Variants in TMED10 observed in about 807,000 individuals in gnomAD.
TMED10 encodes the protein transmembrane p24 trafficking protein 10.
In TMED10, 7 loss-of-function variants were observed where a neutral mutation model predicts 23.1. The ratio of observed to expected loss-of-function variants is 0.30; its 90% CI spans 0.17 to 0.57. TMED10 has a LOEUF of 0.57. Among genes scored for constraint, TMED10 ranks in the 20% least tolerant of loss-of-function variants. The pLI is 0.91. For synonymous variants in TMED10, 113 were observed against 106.9 expected, an observed-to-expected ratio of 1.06 and a Z score of -0.35; for missense variants, 162 against 274.8, an observed-to-expected ratio of 0.59 and a Z score of 2.90.
At chr14:75,137,711 T>TC (rs1293950723) in intron 3 of TMED10, among the ~76,000 whole-genome samples, 120 of 143,322 alleles carry the variant, frequency 8.4e-4, no homozygotes, top group Middle Eastern at 3.6e-3. Context: ...TTTCTTTCTT[T>TC]TTTTTTTTTT....
At chr14:75,150,215 A>T (rs1055621150) in intron 2 of TMED10, among the ~76,000 whole-genome samples, 3 of 152,228 alleles carry the variant, frequency 2.0e-5, no homozygotes, top group Non-Finnish European at 4.4e-5. Flanking sequence ...GACAAGTCAC[A>T]TGTGTCTTCT....
At chr14:75,165,597 A>G (rs568052335) in intron 1 of TMED10, among the ~76,000 whole-genome samples, 2 of 152,330 alleles carry the variant, frequency 1.3e-5, no homozygotes, top group South Asian at 4.1e-4. Flanking sequence ...CTTAGGTGCT[A>G]CATTTAATGG....
intron 1 of TMED10, among the ~76,000 whole-genome samples, chr14:75,172,945 A>G (rs925764031): frequency 6.6e-6 from 1 of 152,102 alleles, no homozygotes; most frequent in Non-Finnish European, 1.5e-5. Flanking sequence ...AGGAAAATGG[A>G]GTGGCAAAGC....
At chr14:75,148,450 T>C (rs1358507656) in intron 2 of TMED10, among the ~76,000 whole-genome samples, 1 of 151,394 alleles carries the variant, frequency 6.6e-6, no homozygotes, top group Admixed American at 6.6e-5. Flanking sequence ...ATGCTTCTTA[T>C]AATAGAGTTC....
chr14:75,146,189 G>C (rs903552688), intron 3 of TMED10, among the ~76,000 whole-genome samples: 2 of 152,164 alleles, frequency 1.3e-5, no homozygotes, highest in Non-Finnish European at 2.9e-5. Flanking sequence ...ATTCACAACT[G>C]TATCACTTGC....
At chr14:75,141,143 A>G (rs1895817488) in intron 3 of TMED10, among the ~76,000 whole-genome samples, 1 of 152,202 alleles carries the variant, frequency 6.6e-6, no homozygotes, top group South Asian at 2.1e-4. Context: ...CAAAAAATAC[A>G]CATTAAAAAC....
At chr14:75,152,226 A>G (rs1895963265) in intron 1 of TMED10, 83 bp from the exon 2 acceptor site, 2 of 1,085,958 alleles carry the variant, frequency 1.8e-6, no homozygotes, top group Non-Finnish European at 2.7e-6. Context: ...TAGAGACACT[A>G]TCTATGAAAG....
intron 3 of TMED10, among the ~76,000 whole-genome samples, chr14:75,140,666 C>T (rs1017464715): frequency 2.0e-5 from 3 of 152,178 alleles, no homozygotes; most frequent in African/African-American, 7.2e-5. Flanking sequence ...TGAGATGGCA[C>T]CGCTGCACTC....
intron 2 of TMED10, among the ~76,000 whole-genome samples, chr14:75,151,719 T>C (rs1300557634): frequency 2.6e-5 from 4 of 152,220 alleles, no homozygotes; most frequent in Non-Finnish European, 5.9e-5. Context: ...GTCCACAGTT[T>C]ACATTAGGAT....
chr14:75,158,889 G>A (rs556127455), intron 1 of TMED10, among the ~76,000 whole-genome samples: 28 of 152,124 alleles, frequency 1.8e-4, no homozygotes, highest in East Asian at 5.9e-4. Context: ...GCACCATTGC[G>A]CTCTAGCCTG....
At chr14:75,143,676 G>A (rs977652988) in intron 3 of TMED10, among the ~76,000 whole-genome samples, 2 of 152,194 alleles carry the variant, frequency 1.3e-5, no homozygotes, top group African/African-American at 4.8e-5. Flanking sequence ...GCTCATGCCT[G>A]TAATCCCAGC....
intron 3 of TMED10, among the ~76,000 whole-genome samples, chr14:75,138,703 A>G (rs138224005): frequency 1.3e-5 from 2 of 152,138 alleles, no homozygotes; most frequent in South Asian, 2.1e-4. Flanking sequence ...CCTAAATAGA[A>G]ACTTGCAAAA....
At chr14:75,142,566 T>C (rs1040521952) in intron 3 of TMED10, among the ~76,000 whole-genome samples, 12 of 152,238 alleles carry the variant, frequency 7.9e-5, no homozygotes, top group Admixed American at 7.9e-4. Context: ...CTACAACACA[T>C]ACTGTGTCAC....
chr14:75,170,927 G>A (rs1007209008), intron 1 of TMED10, among the ~76,000 whole-genome samples: 10 of 152,156 alleles, frequency 6.6e-5, no homozygotes, highest in Non-Finnish European at 1.2e-4. Flanking sequence ...AGGTTAATGG[G>A]AAACTTTACA....
At chr14:75,170,515 T>G (rs1213600097) in intron 1 of TMED10, among the ~76,000 whole-genome samples, 1 of 151,972 alleles carries the variant, frequency 6.6e-6, no homozygotes, top group African/African-American at 2.4e-5. Flanking sequence ...CAGGATTATG[T>G]TGAAAAAATA....
chr14:75,156,045 G>A (rs1896015962), intron 1 of TMED10, among the ~76,000 whole-genome samples: 2 of 152,114 alleles, frequency 1.3e-5, no homozygotes, highest in Admixed American at 1.3e-4. Flanking sequence ...AGCATGCTAA[G>A]GAGTTTAAGC....
chr14:75,152,736 CA>C (rs767789355), intron 1 of TMED10, among the ~76,000 whole-genome samples: 8 of 152,164 alleles, frequency 5.3e-5, no homozygotes, highest in Non-Finnish European at 1.0e-4. Context: ...ACACAGGAAA[CA>C]AAAAAGAAGT....
intron 3 of TMED10, among the ~76,000 whole-genome samples, chr14:75,139,497 G>A (rs754045584): frequency 7.9e-5 from 12 of 152,022 alleles, no homozygotes; most frequent in East Asian, 1.9e-4. Flanking sequence ...GAGGCCAAGC[G>A]TGGTGGCTCA....
At chr14:75,145,171 T>C (rs1895867492) in intron 3 of TMED10, among the ~76,000 whole-genome samples, 1 of 152,172 alleles carries the variant, frequency 6.6e-6, no homozygotes, top group Non-Finnish European at 1.5e-5. Context: ...TGGAGCTGTG[T>C]TGTAACTACA....
Sources: gnomAD v4.1 joint callset for allele counts (sites outside exome capture counted in the v4.1 genomes callset) on GRCh38, gnomAD v4.1.1 for gene constraint, MANE v1.5 for transcripts, NCBI Gene and HGNC (gene_info 2026-07-23, HGNC 2026-07-21) for gene names.